KANSL1: variants seen among roughly 807,000 people sequenced by gnomAD.
The protein encoded by KANSL1 is KAT8 regulatory NSL complex subunit 1.
A neutral mutation model predicts 103.6 loss-of-function variants in KANSL1; 22 were observed. The ratio of observed to expected loss-of-function variants is 0.21; its 90% CI spans 0.15 to 0.30. The LOEUF (loss-of-function observed/expected upper bound fraction) is 0.30, where lower values mean the gene tolerates loss of function less well. Among genes scored for constraint, KANSL1 ranks in the 10% least tolerant of loss-of-function variants. The probability of loss-of-function intolerance (pLI) is 1.00; values close to 1 mark genes in which losing one functional copy is unlikely to be tolerated. For synonymous variants in KANSL1, 600 were observed against 527.6 expected, an observed-to-expected ratio of 1.14 and a Z score of -1.88; for missense variants, 1,337 against 1,399.8, an observed-to-expected ratio of 0.96 and a Z score of 0.72.
intron 2 of KANSL1, among the ~76,000 whole-genome samples, chr17:46,130,325 G>A (rs1467250832): frequency 2.0e-5 from 3 of 152,102 alleles, no homozygotes; most frequent in Admixed American, 6.5e-5. Context: ...TTTCCCACGT[G>A]ATCTGAATGT....
Position 46,082,502 on chromosome 17 carries a change from G to T in KANSL1, c.1472C>A (p.Thr491Lys). The T allele has an allele frequency of 6.2e-7, 1 of 1,612,480 alleles. No individual in the cohort carries two copies. The highest frequency in any genetic ancestry group is 2.2e-5 in the East Asian group (1 of 44,868). Residue 491 changes from threonine to lysine, a missense_variant, in exon 4 of 15, where the codon ACA becomes AAA. By Grantham distance (78) the Thr-to-Lys change is moderately conservative. Transcript: ENST00000432791. ...ACTAAGTGGAAGAAATAAGTCTGTT[G>T]TATGCTCTGGGGGAGGTACCTCCCC... Reference protein sequence around the residue: ...VLGEVPPPEHTTDLFLPLSSE... With the variant: ...VLGEVPPPEHKTDLFLPLSSE...
At chr17:46,205,718 C>G (rs1208589698) in intron 1 of KANSL1, among the ~76,000 whole-genome samples, 1 of 140,262 alleles carries the variant, frequency 7.1e-6, no homozygotes, top group Non-Finnish European at 1.6e-5. Flanking sequence ...ATAAATTTAA[C>G]AAAAGCAGTG....
chr17:46,039,829 C>G lies in KANSL1; in HGVS notation c.2076G>C (p.Lys692Asn). 1 of 1,614,202 alleles carries G rather than the reference C, an allele frequency of 6.2e-7. No individual in the cohort carries two copies. Among genetic ancestry groups the G allele is most frequent in the Non-Finnish European group, 8.5e-7 (1 of 1,180,044 alleles). Residue 692 changes from lysine to asparagine, a missense_variant, in exon 8 of 15, where the codon AAG becomes AAC. By Grantham distance (94) the Lys-to-Asn change is moderately conservative. Transcript: ENST00000432791. Reference protein sequence around the residue: ...QSMLKSQWQNKPFDKIKPPKK... With the variant: ...QSMLKSQWQNNPFDKIKPPKK... ...TGGGAGGTTTGATTTTGTCAAAAGG[C>G]TTGTTCTGCCACTGAGATTTCAGCA...
intron 2 of KANSL1, among the ~76,000 whole-genome samples, chr17:46,130,770 G>A (rs1313711348): frequency 6.6e-6 from 1 of 152,162 alleles, no homozygotes; most frequent in Non-Finnish European, 1.5e-5. Flanking sequence ...ATAGAAGATA[G>A]AAAATAACAT....
At chr17:46,035,542 A>C (rs1156442041) in intron 10 of KANSL1, 2 of 152,134 alleles carry the variant, frequency 1.3e-5, no homozygotes, top group Non-Finnish European at 2.9e-5. Flanking sequence ...TGACCTCAGA[A>C]ATTTAGGATA....
At chr17:46,096,314 T>TTTTTTC (rs2042076079) in intron 2 of KANSL1, among the ~76,000 whole-genome samples, 1 of 74,570 alleles carries the variant, frequency 1.3e-5, no homozygotes, top group African/African-American at 3.3e-5. Flanking sequence ...TTTTTTTCTT[T>TTTTTTC]TTTTTTTTTT....
chr17:46,040,435 A>G (rs2077276659), intron 7 of KANSL1: 2 of 152,348 alleles, frequency 1.3e-5, no homozygotes, highest in South Asian at 4.1e-4. Context: ...TCAATATCAC[A>G]AATCAACATC....
rs1007531685 is a variant in KANSL1, at chr17:46,030,421, T to C, written c.*1055A>G. On this transcript the variant is annotated 3_prime_UTR_variant, in exon 15 of 15. Coordinates refer to ENST00000432791, the MANE Select transcript of KANSL1 (RefSeq NM_015443.4). ...CTCCCCCTTTTTGGTGATGTGATCA[T>C]ACAGGAGACAGGCACAAGGTTAACA... 1 of 151,888 alleles carries C rather than the reference T, an allele frequency of 6.6e-6. No homozygotes were observed. The highest frequency in any genetic ancestry group is 2.4e-5 in the African/African-American group (1 of 41,336). The allele number at this position is 151,888 out of a possible 1,614,324, so 9.4% of individuals were successfully genotyped here.
At chr17:46,088,025 G>A (rs575683779) in intron 3 of KANSL1, among the ~76,000 whole-genome samples, 26 of 152,294 alleles carry the variant, frequency 1.7e-4, no homozygotes, top group Non-Finnish European at 3.7e-4. Flanking sequence ...ACCGGTAGAA[G>A]CCGAAGAAAA....
intron 7 of KANSL1, chr17:46,040,611 G>C (rs1268555944): frequency 6.6e-6 from 1 of 152,172 alleles, no homozygotes; most frequent in African/African-American, 2.4e-5. Flanking sequence ...CTAATATCCA[G>C]TGCTATATTT....
intron 4 of KANSL1, among the ~76,000 whole-genome samples, chr17:46,072,477 T>C (rs1025158072): frequency 6.6e-5 from 10 of 152,172 alleles, no homozygotes; most frequent in African/African-American, 9.7e-5. Flanking sequence ...GAATTTAACT[T>C]ATTCCTGGGT....
intron 2 of KANSL1, among the ~76,000 whole-genome samples, chr17:46,133,722 TAAC>T (rs1237608370): frequency 6.6e-6 from 1 of 152,240 alleles, no homozygotes; most frequent in African/African-American, 2.4e-5. Flanking sequence ...ACCTTTCAGG[TAAC>T]TGAAAGTGGA....
chr17:46,142,923 T>A (rs931775798), intron 2 of KANSL1, among the ~76,000 whole-genome samples: 2 of 152,244 alleles, frequency 1.3e-5, no homozygotes, highest in Non-Finnish European at 2.9e-5. Context: ...AAAGCCTATG[T>A]GCACAAACAG....
At chr17:46,213,793 C>T (rs1312142924) in intron 1 of KANSL1, among the ~76,000 whole-genome samples, 3 of 151,958 alleles carry the variant, frequency 2.0e-5, no homozygotes, top group Non-Finnish European at 2.9e-5. Flanking sequence ...TGGCACGTGC[C>T]TGTAGTCCGA....
chr17:46,118,025 C>T (rs1031943187), intron 2 of KANSL1, among the ~76,000 whole-genome samples: 4 of 152,180 alleles, frequency 2.6e-5, no homozygotes, highest in African/African-American at 7.2e-5. Flanking sequence ...TCTCAAAAGC[C>T]TTAAAACTGT....
chr17:46,101,692 T>C (rs944662229), intron 2 of KANSL1, among the ~76,000 whole-genome samples: 1 of 141,066 alleles, frequency 7.1e-6, no homozygotes, highest in Admixed American at 7.7e-5. Context: ...AGGCAGAGGT[T>C]ACAGTGAGTC....
chr17:46,135,344 G>C (rs1411245754), intron 2 of KANSL1, among the ~76,000 whole-genome samples: 1 of 148,564 alleles, frequency 6.7e-6, no homozygotes, highest in Non-Finnish European at 1.5e-5. Flanking sequence ...CACTGCACTG[G>C]TCTCTCTGAA....
At chr17:46,070,236 G>A (rs2078525780) in intron 4 of KANSL1, among the ~76,000 whole-genome samples, 1 of 152,084 alleles carries the variant, frequency 6.6e-6, no homozygotes, top group South Asian at 2.1e-4. Context: ...GTTATCAGTT[G>A]TGGTACACCA....
At chr17:46,088,209 C>T (rs1274571600) in intron 3 of KANSL1, among the ~76,000 whole-genome samples, 1 of 152,076 alleles carries the variant, frequency 6.6e-6, no homozygotes, top group African/African-American at 2.4e-5. Flanking sequence ...TAAGTGACTC[C>T]TCTGTGGATG....
Sources: gnomAD v4.1 joint callset for allele counts (sites outside exome capture counted in the v4.1 genomes callset) on GRCh38, gnomAD v4.1.1 for gene constraint, MANE v1.5 for transcripts, NCBI Gene and HGNC (gene_info 2026-07-23, HGNC 2026-07-21) for gene names.